TGS1: variants seen among roughly 807,000 people sequenced by gnomAD.
The protein encoded by TGS1 is trimethylguanosine synthase.
A neutral mutation model predicts 92.2 loss-of-function variants in TGS1; 69 were observed. That is an observed-to-expected ratio of 0.75 (90% CI 0.62 to 0.91). The LOEUF (loss-of-function observed/expected upper bound fraction) is 0.91, where lower values mean the gene tolerates loss of function less well. Among genes scored for constraint, TGS1 ranks in the 40% least tolerant of loss-of-function variants. The pLI is 0.00. For synonymous variants in TGS1, 345 were observed against 338.1 expected, an observed-to-expected ratio of 1.02 and a Z score of -0.22; for missense variants, 1,062 against 1,001.2, an observed-to-expected ratio of 1.06 and a Z score of -0.82.
Position 55,824,791 on chromosome 8 carries a change from T to C in TGS1, c.*88T>C, listed in dbSNP as rs1227329079. 6.7e-7 allele frequency: 1 copy of C among 1,491,980 alleles called. No homozygotes were observed. The highest frequency in any genetic ancestry group is 1.4e-5 in the African/African-American group (1 of 71,782). The allele number at this position is 1,491,980 out of a possible 1,614,324, so 92.4% of individuals were successfully genotyped here. ...GCATGTCTTCCTTTATTCACTGATA[T>C]TTTCTACCCATGGTCTTATATCACC... On this transcript the variant is annotated 3_prime_UTR_variant, in exon 13 of 13. Coordinates refer to ENST00000260129, the MANE Select transcript of TGS1 (RefSeq NM_024831.8).
At chr8:55,796,715 G>T (rs1027712147) in intron 7 of TGS1, among the ~76,000 whole-genome samples, 5 of 151,984 alleles carry the variant, frequency 3.3e-5, no homozygotes, top group Admixed American at 6.6e-5. Context: ...CCTTGGCCGG[G>T]CATGGTGGCT....
Position 55,813,060 on chromosome 8 carries a change from C to G in TGS1, c.2381C>G (p.Ser794Cys). 1.2e-6 allele frequency: 2 copies of G among 1,609,592 alleles called. No individual in the cohort carries two copies. Among genetic ancestry groups the G allele is most frequent in the Non-Finnish European group, 1.7e-6 (2 of 1,176,892 alleles). Residue 794 changes from serine (S) to cysteine (C), a missense_variant, in exon 12 of 13, where the codon TCT becomes TGT. By Grantham distance (112) the Ser-to-Cys change is moderately radical. Coordinates refer to ENST00000260129, the MANE Select transcript of TGS1 (RefSeq NM_024831.8). ...TCCACCTTTGAAATTTTCAGACTTTCTAAGAAGATCACTAATAATATTGTT... is the reference window on the plus strand; with the variant it reads ...TCCACCTTTGAAATTTTCAGACTTTGTAAGAAGATCACTAATAATATTGTT... The part of the protein sequence containing the change: ...SPDGFEIFRL[S>C]KKITNNIVYF...
chr8:55,807,484 A>G (rs1238461916), intron 10 of TGS1, among the ~76,000 whole-genome samples: 5 of 151,386 alleles, frequency 3.3e-5, no homozygotes, highest in Non-Finnish European at 5.9e-5. Context: ...CCAAACTGAT[A>G]TAGCTGGGTC....
At chr8:55,805,881 TAAAAAAA>T (rs60887117) in intron 10 of TGS1, among the ~76,000 whole-genome samples, 2 of 119,172 alleles carry the variant, frequency 1.7e-5, no homozygotes, top group Non-Finnish European at 1.7e-5. Context: ...GACTCCATCT[TAAAAAAA>T]AAAAAAAAAA....
At chr8:55,780,425 A>T (rs1256309883) in intron 1 of TGS1, among the ~76,000 whole-genome samples, 1 of 152,108 alleles carries the variant, frequency 6.6e-6, no homozygotes, top group Non-Finnish European at 1.5e-5. Context: ...GTCATGCCTT[A>T]GCAGGAGTGC....
chr8:55,787,968 C>T (rs774726915), intron 4 of TGS1, among the ~76,000 whole-genome samples: 20 of 152,146 alleles, frequency 1.3e-4, no homozygotes, highest in Admixed American at 2.0e-4. Context: ...TGGGGAGGCA[C>T]CAAGCCATTC....
At chr8:55,778,992 G>A (rs903133211) in intron 1 of TGS1, among the ~76,000 whole-genome samples, 2 of 152,170 alleles carry the variant, frequency 1.3e-5, no homozygotes, top group African/African-American at 4.8e-5. Flanking sequence ...ATCTTAGTGG[G>A]ATTACTACAA....
Position 55,793,775 on chromosome 8 carries a change from T to A in TGS1, c.1367+991T>A, listed in dbSNP as rs1342820438. 2.7e-5 allele frequency among the ~76,000 whole-genome samples: 4 copies of A among 150,938 alleles called. No homozygotes were observed. The East Asian group carries it at 7.8e-4, about 29-fold the overall frequency. On this transcript the variant is annotated intron_variant, in intron 6 of 12. Transcript: ENST00000260129. ...ATTTATTTATTTATTTATTTATTTA[T>A]TTTTTAATTTTTTATTTTTTTTAGT...
At chr8:55,821,667 A>G (rs182524608) in intron 12 of TGS1, among the ~76,000 whole-genome samples, 2 of 152,162 alleles carry the variant, frequency 1.3e-5, no homozygotes, top group East Asian at 3.9e-4. Flanking sequence ...AGGTCAGGAG[A>G]TCGAGACCAC....
At chr8:55,774,115 A>T (rs76920922) in intron 1 of TGS1, among the ~76,000 whole-genome samples, 2,024 of 152,328 alleles carry the variant, frequency 0.013, 41 homozygotes, top group African/African-American at 0.047. Context: ...CTAAAAATCT[A>T]CTTAAGCCCA....
At chr8:55,814,931 T>C (rs2130241750) in intron 12 of TGS1, among the ~76,000 whole-genome samples, 1 of 152,024 alleles carries the variant, frequency 6.6e-6, no homozygotes, top group East Asian at 1.9e-4. Flanking sequence ...TTATATCTAC[T>C]TCTCATATGA....
intron 12 of TGS1, among the ~76,000 whole-genome samples, chr8:55,815,467 T>C (rs570029161): frequency 2.0e-5 from 3 of 152,242 alleles, no homozygotes; most frequent in East Asian, 1.9e-4. Context: ...GCAAAGAAAA[T>C]TAACTTTTTT....
Position 55,804,919 on chromosome 8 carries a change from A to G in TGS1, c.2026A>G (p.Lys676Glu). The change falls in exon 10 of 13, where the codon AAG (lysine) becomes GAG (glutamate). Residue 676 changes from lysine to glutamate, a missense_variant. Physicochemically the swap from Lys to Glu is moderately conservative, Grantham distance 56. Transcript: ENST00000260129. ...REGWFSVTPE[K>E]IAEHIAGRVS... ...GGGCTGGTTTTCAGTTACACCCGAGAAGATTGCTGAACACATTGCTGGCCG... is the reference window on the plus strand; with the variant it reads ...GGGCTGGTTTTCAGTTACACCCGAGGAGATTGCTGAACACATTGCTGGCCG... 6.2e-7 allele frequency: 1 copy of G among 1,613,974 alleles called. No homozygotes were observed. Among genetic ancestry groups the G allele is most frequent in the Non-Finnish European group, 8.5e-7 (1 of 1,179,906 alleles).
At chr8:55,791,607 G>A (rs1434688730) in intron 5 of TGS1, among the ~76,000 whole-genome samples, 4 of 152,202 alleles carry the variant, frequency 2.6e-5, no homozygotes, top group African/African-American at 9.7e-5. Flanking sequence ...GATGCTGCCA[G>A]CACCAGTGAA....
intron 12 of TGS1, among the ~76,000 whole-genome samples, chr8:55,817,195 G>A (rs1318858165): frequency 6.6e-6 from 1 of 152,092 alleles, no homozygotes; most frequent in Non-Finnish European, 1.5e-5. Context: ...AGTACTTGAG[G>A]CTCCAATTGT....
intron 1 of TGS1, among the ~76,000 whole-genome samples, chr8:55,774,206 T>C (rs1273689031): frequency 1.3e-5 from 2 of 152,218 alleles, no homozygotes; most frequent in African/African-American, 2.4e-5. Context: ...TATCTTTATT[T>C]TGGGGAAATC....
intron 1 of TGS1, among the ~76,000 whole-genome samples, chr8:55,779,875 CTTT>C (rs71256566): frequency 6.9e-6 from 1 of 144,060 alleles, no homozygotes; most frequent in African/African-American, 2.6e-5. Context: ...CTTTTTTTTC[CTTT>C]TTTTTTTTTT....
chr8:55,809,057 T>C (rs1331511353), intron 10 of TGS1, among the ~76,000 whole-genome samples: 5 of 152,238 alleles, frequency 3.3e-5, no homozygotes, highest in African/African-American at 1.2e-4. Context: ...TATGTTCATG[T>C]GTGCTTATAT....
intron 9 of TGS1, among the ~76,000 whole-genome samples, chr8:55,803,324 G>C (rs1259821309): frequency 2.6e-5 from 4 of 152,202 alleles, no homozygotes; most frequent in African/African-American, 9.6e-5. Context: ...CAGCTTTCCT[G>C]CTGTGATCTG....
Sources: gnomAD v4.1 joint callset for allele counts (sites outside exome capture counted in the v4.1 genomes callset) on GRCh38, gnomAD v4.1.1 for gene constraint, MANE v1.5 for transcripts, NCBI Gene and HGNC (gene_info 2026-07-23, HGNC 2026-07-21) for gene names.